FRMD3: variants seen among roughly 807,000 people sequenced by gnomAD.
FRMD3 encodes FERM domain-containing protein 3.
In FRMD3, 33 loss-of-function variants were observed where a neutral mutation model predicts 70.2. The ratio of observed to expected loss-of-function variants is 0.47; its 90% confidence interval spans 0.36 to 0.63. FRMD3 has a LOEUF of 0.63. Among genes scored for constraint, FRMD3 ranks in the 20% least tolerant of loss-of-function variants. The pLI, the probability that FRMD3 is intolerant of heterozygous loss-of-function variation, is 0.00. For missense variants in FRMD3, 632 were observed against 711.4 expected, an observed-to-expected ratio of 0.89 and a Z score of 1.27; for synonymous variants, 279 against 255.9, an observed-to-expected ratio of 1.09 and a Z score of -0.86.
At chr9:83,320,830 G>T (rs1835773483) in intron 6 of FRMD3, among the ~76,000 whole-genome samples, 1 of 152,052 alleles carries the variant, frequency 6.6e-6, no homozygotes, top group Non-Finnish European at 1.5e-5. Flanking sequence ...TTGTTTTGTT[G>T]TTGTTGTTGC....
chr9:83,246,717 T>G lies in FRMD3; in HGVS notation c.*1201A>C. The G allele has an allele frequency of 1.0e-6, 1 of 985,146 alleles. No individual in the cohort carries two copies. Among genetic ancestry groups the G allele is most frequent in the South Asian group, 4.7e-5 (1 of 21,262 alleles). The allele number at this position is 985,146 out of a possible 1,614,324, so 61.0% of individuals were successfully genotyped here. The stretch of plus-strand genomic sequence containing the variant: ...CACATACAAACACATTTTTGAAGTT[T>G]CTTCTACAGAATCACAACAAATGGC... On this transcript the variant is annotated 3_prime_UTR_variant, in exon 14 of 14. Coordinates refer to ENST00000304195, the MANE Select transcript of FRMD3 (RefSeq NM_174938.6).
At chr9:83,402,098 TA>T (rs933856288) in intron 1 of FRMD3, among the ~76,000 whole-genome samples, 16 of 152,030 alleles carry the variant, frequency 1.1e-4, no homozygotes, top group African/African-American at 3.6e-4. Context: ...GTTCATGGTC[TA>T]ATTGGAATTG....
intron 3 of FRMD3, among the ~76,000 whole-genome samples, chr9:83,357,253 A>G (rs1464723236): frequency 4.6e-5 from 1 of 21,686 alleles, no homozygotes; most frequent in African/African-American, 4.1e-4. Context: ...ATACATATAT[A>G]TATATATATA....
intron 5 of FRMD3, 121 bp downstream of exon 5, chr9:83,343,069 C>T (rs1823828233): frequency 1.3e-6 from 1 of 742,444 alleles, no homozygotes; most frequent in Admixed American, 2.0e-5. Flanking sequence ...CGTACCCAGC[C>T]CTACATGGTC....
chr9:83,479,764 AGG>A (rs1828517235), intron 1 of FRMD3, among the ~76,000 whole-genome samples: 1 of 68,996 alleles, frequency 1.4e-5, no homozygotes, highest in African/African-American at 6.4e-5. Flanking sequence ...AGAAGAAGGG[AGG>A]GAGGGAGGGA....
upstream of FRMD3, among the ~76,000 whole-genome samples, chr9:83,540,813 A>G (rs1829991638): frequency 6.6e-6 from 1 of 152,246 alleles, no homozygotes; most frequent in South Asian, 2.1e-4. Flanking sequence ...GAGCTCAAAG[A>G]ATATCTTGTT....
intron 1 of FRMD3, among the ~76,000 whole-genome samples, chr9:83,496,387 T>C (rs2131505292): frequency 6.6e-6 from 1 of 152,324 alleles, no homozygotes; most frequent in South Asian, 2.1e-4. Flanking sequence ...TTAACCTGCA[T>C]ATGTGACAAA....
chr9:83,258,106 C>T (rs1325838154), intron 13 of FRMD3, among the ~76,000 whole-genome samples: 1 of 152,184 alleles, frequency 6.6e-6, no homozygotes, highest in Non-Finnish European at 1.5e-5. Flanking sequence ...GCAGGTTGGA[C>T]ACTGCTCATT....
chr9:83,263,965 G>A (rs1833111220), intron 13 of FRMD3, among the ~76,000 whole-genome samples: 2 of 152,096 alleles, frequency 1.3e-5, no homozygotes, highest in South Asian at 2.1e-4. Context: ...CCTGAATAGT[G>A]GCCTTGATAC....
At chr9:83,330,612 G>A (rs1188860414) in intron 6 of FRMD3, among the ~76,000 whole-genome samples, 3 of 152,196 alleles carry the variant, frequency 2.0e-5, no homozygotes, top group African/African-American at 7.2e-5. Context: ...ACAGGAGTCA[G>A]CAAGCTAGGA....
At chr9:83,416,745 G>GTCTCTCTCTGTCTC (rs1826455604) in intron 1 of FRMD3, among the ~76,000 whole-genome samples, 1 of 102,236 alleles carries the variant, frequency 9.8e-6, no homozygotes, top group Non-Finnish European at 1.9e-5. Context: ...ATTTCTCTCT[G>GTCTCTCTCTGTCTC]TCTCTCTCTC....
At chr9:83,415,471 C>A (rs1169754684) in intron 1 of FRMD3, among the ~76,000 whole-genome samples, 1 of 134,882 alleles carries the variant, frequency 7.4e-6, no homozygotes, top group Non-Finnish European at 1.5e-5. Flanking sequence ...GAGACAGAGT[C>A]TCACTCTGTC....
intron 1 of FRMD3, among the ~76,000 whole-genome samples, chr9:83,400,578 C>T (rs1251828361): frequency 6.6e-6 from 1 of 152,156 alleles, no homozygotes; most frequent in Non-Finnish European, 1.5e-5. Context: ...GAGTGGCCAA[C>T]ACAGTATTGA....
chr9:83,280,008 A>G (rs1833921080), intron 13 of FRMD3, among the ~76,000 whole-genome samples: 1 of 152,250 alleles, frequency 6.6e-6, no homozygotes, highest in African/African-American at 2.4e-5. Context: ...ATAAAAAGCA[A>G]GAAAGAAGAT....
intron 5 of FRMD3, among the ~76,000 whole-genome samples, chr9:83,340,331 A>G (rs949828225): frequency 2.6e-5 from 4 of 152,234 alleles, no homozygotes; most frequent in African/African-American, 9.6e-5. Flanking sequence ...TCCTACTCCC[A>G]TGGAATTAGA....
chr9:83,387,734 G>A (rs139087480), intron 2 of FRMD3, among the ~76,000 whole-genome samples: 2 of 152,182 alleles, frequency 1.3e-5, no homozygotes, highest in East Asian at 1.9e-4. Context: ...CCTCTTATAC[G>A]AGTGGAATAT....
intron 1 of FRMD3, among the ~76,000 whole-genome samples, chr9:83,417,204 A>G (rs1167458330): frequency 6.6e-6 from 1 of 152,198 alleles, no homozygotes; most frequent in Non-Finnish European, 1.5e-5. Flanking sequence ...TATACATTTT[A>G]CCTCCCAAAT....
chr9:83,357,283 A>ATATAT (rs1824427463), intron 3 of FRMD3, among the ~76,000 whole-genome samples: 1 of 69,376 alleles, frequency 1.4e-5, no homozygotes, highest in African/African-American at 5.5e-5. Context: ...ATATATATAT[A>ATATAT]TATATATATA....
rs1223705734 is a variant in FRMD3 at position 83,245,766 on chromosome 9, C to A, written c.*2152G>T. On this transcript the variant is annotated 3_prime_UTR_variant, in exon 14 of 14. Transcript: ENST00000304195. ...TGATCAGAAGGGGACTAATTTTGTG[C>A]AGACTACACTAAAGTTGCCTTATGT... 2.0e-6 allele frequency: 2 copies of A among 984,340 alleles called. No homozygotes were observed. Among genetic ancestry groups the A allele is most frequent in the African/African-American group, 1.7e-5 (1 of 57,160 alleles). 61.0% of individuals were successfully genotyped at this position (984,340 alleles called of 1,614,324 possible). A position where few individuals can be genotyped will look rare whatever the true frequency, so the allele number is the denominator to read the frequency against.
Sources: gnomAD v4.1 joint callset for allele counts (sites outside exome capture counted in the v4.1 genomes callset) on GRCh38, gnomAD v4.1.1 for gene constraint, MANE v1.5 for transcripts, NCBI Gene and HGNC (gene_info 2026-07-23, HGNC 2026-07-21) for gene names.